The following FRMD1 variants were observed in gnomAD, a reference collection of about 807,000 sequenced individuals.
FRMD1 encodes the protein FERM domain-containing protein 1.
A neutral mutation model predicts 54.9 loss-of-function variants in FRMD1; 51 were observed. The ratio of observed to expected loss-of-function variants is 0.93; its 90% CI spans 0.74 to 1.17. FRMD1 has a LOEUF of 1.17. Among genes scored for constraint, FRMD1 ranks in the 50% most tolerant of loss-of-function variants. FRMD1 has a pLI of 0.00. For synonymous variants in FRMD1, 324 were observed against 306.4 expected, an observed-to-expected ratio of 1.06 and a Z score of -0.60; for missense variants, 729 against 743.0, an observed-to-expected ratio of 0.98 and a Z score of 0.22.
Position 168,061,792 on chromosome 6 carries a change from C to T in FRMD1, c.1045+15G>A, listed in dbSNP as rs984995195. ...AGTCCGGCTGCGGAGCCCAGCATAC[C>T]CAGCCCAGCCCCACCTTCTGCCTCC... On this transcript the variant is annotated intron_variant, in intron 8 of 10. Transcript: ENST00000283309. 2 of 1,542,326 alleles carry T rather than the reference C, an allele frequency of 1.3e-6. No individual in the cohort carries two copies. Among genetic ancestry groups the T allele is most frequent in the African/African-American group, 1.4e-5 (1 of 73,080 alleles).
chr6:168,084,158 G>C (rs895542097), upstream of FRMD1, among the ~76,000 whole-genome samples: 1 of 152,084 alleles, frequency 6.6e-6, no homozygotes, highest in African/African-American at 2.4e-5. Context: ...CGTTTTCAGG[G>C]GTCTGCCTCT....
In FRMD1 at chr6:168,075,885, TTCC is replaced by T; in HGVS notation, c.214-553_214-551del. On this transcript the variant is annotated intron_variant, in intron 1 of 10. Coordinates refer to ENST00000283309, the MANE Select transcript of FRMD1 (RefSeq NM_024919.6). ...CATTTCCGGTGCCCGGTGTCCACAT[TTCC>T]GGCGTCCCGTGTCCACATTTCCGGT... 11 of 417,400 alleles carry T rather than the reference TTCC, an allele frequency of 2.6e-5. 3 individuals are homozygous for T. Among genetic ancestry groups the T allele is most frequent in the South Asian group, 1.1e-4 (3 of 27,216 alleles). The allele number at this position is 417,400 out of a possible 1,614,324, so 25.9% of individuals were successfully genotyped here. A position where few individuals can be genotyped will look rare whatever the true frequency, so the allele number is the denominator to read the frequency against.
upstream of FRMD1, chr6:168,081,964 G>C (rs529931324): frequency 6.4e-6 from 1 of 156,372 alleles, no homozygotes; most frequent in Admixed American, 6.4e-5. Context: ...AAACAGTCAC[G>C]CAAAAAGCCT....
chr6:168,057,962 C>T (rs543936603), intron 10 of FRMD1, among the ~76,000 whole-genome samples: 3 of 152,334 alleles, frequency 2.0e-5, no homozygotes, highest in South Asian at 2.1e-4. Context: ...CCCTTCTACG[C>T]GTGTTTCCTT....
chr6:168,088,732 C>CT (rs1562436341), intron 1 of FRMD1, among the ~76,000 whole-genome samples: 1 of 152,104 alleles, frequency 6.6e-6, no homozygotes, highest in Non-Finnish European at 1.5e-5. Context: ...GTAGACAGAA[C>CT]CCCCAGGCTA....
upstream of FRMD1, among the ~76,000 whole-genome samples, chr6:168,081,175 G>A (rs944708371): frequency 2.0e-5 from 3 of 152,072 alleles, no homozygotes; most frequent in Non-Finnish European, 4.4e-5. Flanking sequence ...GGGAGAGCGC[G>A]GCTTTTTCCT....
chr6:168,076,729 C>G (rs1264023098), intron 1 of FRMD1, among the ~76,000 whole-genome samples: 1 of 152,224 alleles, frequency 6.6e-6, no homozygotes, highest in Non-Finnish European at 1.5e-5. Flanking sequence ...TGAGAACAGA[C>G]TAATATGATT....
chr6:168,075,847 C>T (rs903440522), intron 1 of FRMD1: 61 of 1,526,682 alleles, frequency 4.0e-5, no homozygotes, highest in Middle Eastern at 1.8e-4. Flanking sequence ...CTGTTTCCGG[C>T]GTCCCGTGTC....
chr6:168,060,558 C>T (rs1799666984), intron 9 of FRMD1, among the ~76,000 whole-genome samples: 8 of 152,212 alleles, frequency 5.3e-5, no homozygotes, highest in Admixed American at 5.2e-4. Context: ...AGGCTGCAGG[C>T]AGCTCCTCCC....
At chr6:168,069,779 A>G (rs1800207937) in intron 2 of FRMD1, among the ~76,000 whole-genome samples, 1 of 152,190 alleles carries the variant, frequency 6.6e-6, no homozygotes, top group Non-Finnish European at 1.5e-5. Flanking sequence ...TCTCAAAATC[A>G]TCACTGTCCC....
intron 4 of FRMD1, chr6:168,065,532 T>C: frequency 1.0e-6 from 1 of 988,270 alleles, no homozygotes; most frequent in Non-Finnish European, 1.2e-6. Context: ...TCGCCCAAGA[T>C]GCAGGTGCAA....
chr6:168,084,494 C>T (rs975340885), upstream of FRMD1, among the ~76,000 whole-genome samples: 1 of 152,156 alleles, frequency 6.6e-6, no homozygotes, highest in East Asian at 1.9e-4. Context: ...GGGGGCTGGA[C>T]GGCAGGGTTT....
intron 2 of FRMD1, among the ~76,000 whole-genome samples, chr6:168,073,515 A>G (rs1279640966): frequency 6.6e-6 from 1 of 152,134 alleles, no homozygotes; most frequent in Non-Finnish European, 1.5e-5. Context: ...CAGCCCCCAG[A>G]GCAGCCCTGA....
intron 1 of FRMD1, chr6:168,075,750 C>T: frequency 1.3e-6 from 2 of 1,549,736 alleles, no homozygotes; most frequent in Non-Finnish European, 1.7e-6. Context: ...TCATCCATCG[C>T]CCAACTGATG....
At chr6:168,087,277 C>A (rs1489287740) in intron 1 of FRMD1, among the ~76,000 whole-genome samples, 3 of 152,192 alleles carry the variant, frequency 2.0e-5, no homozygotes, top group African/African-American at 7.2e-5. Context: ...CCATGTTGCC[C>A]AGACCGGTCT....
upstream of FRMD1, chr6:168,081,470 C>T: frequency 6.5e-7 from 1 of 1,535,634 alleles, no homozygotes; most frequent in East Asian, 2.4e-5. Flanking sequence ...CCGCCCAGAT[C>T]TCCTCATGGC....
upstream of FRMD1, among the ~76,000 whole-genome samples, chr6:168,083,097 G>A (rs1800863636): frequency 6.6e-6 from 1 of 152,214 alleles, no homozygotes; most frequent in Non-Finnish European, 1.5e-5. Context: ...GCTGGAGACA[G>A]CCCTGCGGAA....
At position 168,092,647 on chromosome 6, in the gene FRMD1, A is replaced by G. The variant is rs938243001; in HGVS notation, c.-12+8778T>C. Among the ~76,000 whole-genome samples the G allele has an allele frequency of 3.3e-5, 5 of 152,192 alleles. No individual in the cohort carries two copies. In the East Asian group the frequency reaches 9.6e-4, roughly 29 times the overall value. On this transcript the variant is annotated intron_variant, in intron 1 of 12. Coordinates refer to the FRMD1 transcript ENST00000644440. ...CGTCTGCAAGGAAGCGGCCCTCACCACACACCAAATTGCCCAGTGCCTTGA... is the reference window on the plus strand; with the variant it reads ...CGTCTGCAAGGAAGCGGCCCTCACCGCACACCAAATTGCCCAGTGCCTTGA...
chr6:168,070,966 A>G (rs1277732147), intron 2 of FRMD1, among the ~76,000 whole-genome samples: 2 of 152,226 alleles, frequency 1.3e-5, no homozygotes, highest in African/African-American at 4.8e-5. Flanking sequence ...TCATCCTCTC[A>G]GCTCGTGGCA....
Sources: gnomAD v4.1 joint callset for allele counts (sites outside exome capture counted in the v4.1 genomes callset) on GRCh38, gnomAD v4.1.1 for gene constraint, MANE v1.5 for transcripts, NCBI Gene and HGNC (gene_info 2026-07-23, HGNC 2026-07-21) for gene names.